The following FOSL2 variants were observed in gnomAD, a reference collection of about 807,000 sequenced individuals.
FOSL2 encodes fos-related antigen 2.
FOSL2 carries 3 observed loss-of-function variants against 27.7 expected under a neutral mutation model. The ratio of observed to expected loss-of-function variants is 0.11; its 90% CI spans 0.05 to 0.28. FOSL2 has a LOEUF of 0.28. Among genes scored for constraint, FOSL2 ranks in the 10% least tolerant of loss-of-function variants. FOSL2 has a pLI of 1.00. For synonymous variants in FOSL2, 179 were observed against 190.1 expected (o/e 0.94, Z 0.48); for missense variants, 333 against 445.1 (o/e 0.75, Z 2.27).
At chr2:28,398,483 G>T (rs570464441) in intron 1 of FOSL2, among the ~76,000 whole-genome samples, 1 of 152,366 alleles carries the variant, frequency 6.6e-6, no homozygotes, top group South Asian at 2.1e-4. Flanking sequence ...GGCTCCAAAG[G>T]GGCCCACACA....
intron 2 of FOSL2, among the ~76,000 whole-genome samples, chr2:28,406,450 C>T (rs1429914648): frequency 3.3e-5 from 5 of 152,184 alleles, no homozygotes; most frequent in Non-Finnish European, 7.3e-5. Flanking sequence ...TTCTCATTTT[C>T]CCTTTATACC....
In FOSL2 at chr2:28,413,086, G is replaced by A. The variant is rs1398305088; in HGVS notation, c.*638G>A. The A allele has an allele frequency of 1.2e-5, 2 of 168,332 alleles. No individual in the cohort carries two copies. The highest frequency in any genetic ancestry group is 1.7e-4 in the East Asian group (1 of 6,022). The allele number at this position is 168,332 out of a possible 1,614,324, so 10.4% of individuals were successfully genotyped here. ...CCAGTCATCATCTCCAGAACTCCCA[G>A]CGGGGCTCCCTGAGCTCTCAAGGAG... On this transcript the variant is annotated 3_prime_UTR_variant, in exon 4 of 4. Coordinates refer to ENST00000264716, the MANE Select transcript of FOSL2 (RefSeq NM_005253.4).
Position 28,414,160 on chromosome 2 carries a change from G to C in FOSL2, c.*1712G>C, listed in dbSNP as rs550680485. The C allele has an allele frequency of 1.8e-4, 46 of 261,514 alleles. No individual in the cohort carries two copies. The East Asian group carries it at 2.5e-3, about 14-fold the overall frequency. 16.2% of individuals were successfully genotyped at this position (261,514 alleles called of 1,614,324 possible). ...CAGCTCTAGAGGTCACAGTATCCTC[G>C]TTTGAAAGATAATTAAGATCCCCCG... is the stretch of plus-strand genomic sequence containing the variant. On this transcript the variant is annotated 3_prime_UTR_variant, in exon 4 of 4. Transcript: ENST00000264716.
rs149119794 is a variant in FOSL2 at position 28,413,165 on chromosome 2, G to A, written c.*717G>A. 20 of 232,866 alleles carry A rather than the reference G, an allele frequency of 8.6e-5. No homozygotes were observed. The highest frequency in any genetic ancestry group is 7.2e-4 in the South Asian group (4 of 5,562). The allele number at this position is 232,866 out of a possible 1,614,324, so 14.4% of individuals were successfully genotyped here. The stretch of plus-strand genomic sequence containing the variant: ...ACCCTTCCTGCCCACCTTCGGAGAC[G>A]GCTTCTGGAGGAACGGCTTGGCCAG... On this transcript the variant is annotated 3_prime_UTR_variant, in exon 4 of 4. Coordinates refer to ENST00000264716, the MANE Select transcript of FOSL2 (RefSeq NM_005253.4).
intron 3 of FOSL2, among the ~76,000 whole-genome samples, chr2:28,409,947 G>C (rs1047995420): frequency 1.3e-5 from 2 of 152,136 alleles, no homozygotes; most frequent in Non-Finnish European, 2.9e-5. Context: ...CACCATGTTG[G>C]CTAGGCTGGT....
intron 1 of FOSL2, among the ~76,000 whole-genome samples, chr2:28,398,426 A>G (rs563530328): frequency 6.6e-6 from 1 of 152,330 alleles, no homozygotes; most frequent in South Asian, 2.1e-4. Context: ...GGAGGATGAG[A>G]GGACGTGTCA....
chr2:28,408,761 G>A lies in FOSL2; in HGVS notation c.357G>A (p.Leu119=), dbSNP rs773217180. ...TVGRRRRDEQ[L]SPEEEEKRRI... is the part of the protein sequence containing the mutation. ...TGATCCTTGGCTTTGGCCTCTAGCTGTCTCCTGAAGAGGAGGAGAAGCGTC... is the reference window on the plus strand; with the variant it reads ...TGATCCTTGGCTTTGGCCTCTAGCTATCTCCTGAAGAGGAGGAGAAGCGTC... The change falls in exon 3 of 4, where the codon CTG becomes CTA. Residue 119 remains leucine (L), a splice_region_variant and synonymous_variant. Coordinates refer to ENST00000264716, the MANE Select transcript of FOSL2 (RefSeq NM_005253.4). The surrounding 1 kb of genome is among the most constrained non-coding windows in gnomAD (Gnocchi z 4.1). 19 of 1,605,912 alleles carry A rather than the reference G, an allele frequency of 1.2e-5. No individual in the cohort carries two copies. The South Asian group carries it at 2.1e-4, about 18-fold the overall frequency.
intron 2 of FOSL2, among the ~76,000 whole-genome samples, chr2:28,406,914 G>A (rs1230732535): frequency 2.0e-5 from 3 of 152,232 alleles, no homozygotes; most frequent in African/African-American, 7.2e-5. Context: ...CGGCGACTCT[G>A]AGGAGGTGGG....
At chr2:28,395,139 A>G (rs1311083097) in intron 1 of FOSL2, among the ~76,000 whole-genome samples, 4 of 152,158 alleles carry the variant, frequency 2.6e-5, no homozygotes, top group Admixed American at 6.5e-5. Flanking sequence ...GGTGCAGTCA[A>G]TGCACCCTTC....
At chr2:28,411,381 T>C (rs1572496304) in intron 3 of FOSL2, among the ~76,000 whole-genome samples, 2 of 151,880 alleles carry the variant, frequency 1.3e-5, no homozygotes, top group African/African-American at 2.4e-5. Flanking sequence ...GAGAGGTGGG[T>C]AGAGCTGTGT....
chr2:28,404,212 A>G lies in FOSL2; in HGVS notation c.208A>G (p.Thr70Ala). The G allele has an allele frequency of 6.2e-7, 1 of 1,613,976 alleles. No homozygotes were observed. The highest frequency in any genetic ancestry group is 8.5e-7 in the Non-Finnish European group (1 of 1,179,982). Residue 70 changes from threonine to alanine, a missense_variant, in exon 2 of 4, where the codon ACC becomes GCC. Coordinates refer to ENST00000264716, the MANE Select transcript of FOSL2 (RefSeq NM_005253.4). This position sits in a 1 kb window ranked among gnomAD's most constrained non-coding sequence, Gnocchi z 4.7. Reference protein sequence around the residue: ...LQWMVQPTVITSMSNPYPRSH... With the variant: ...LQWMVQPTVIASMSNPYPRSH... ...GTGGATGGTGCAGCCCACAGTGATC[A>G]CCTCCATGTCCAACCCATACCCTCG...
rs72195155 is a variant in FOSL2, at chr2:28,392,945, G to GGAGAGAGA, written c.-762_-755dup. The GGAGAGAGA allele has an allele frequency of 1.7e-6, 1 of 589,346 alleles. No homozygotes were observed. The highest frequency in any genetic ancestry group is 1.9e-5 in the African/African-American group (1 of 52,982). The allele number at this position is 589,346 out of a possible 1,614,324, so 36.5% of individuals were successfully genotyped here. On this transcript the variant is annotated 5_prime_UTR_variant, in exon 1 of 4. Coordinates refer to ENST00000264716, the MANE Select transcript of FOSL2 (RefSeq NM_005253.4). ...CGGCGCTCGGCGGGGACAGAAAGAGGGAGAGAGAGAGAGAGAGAGAGGGAG... is the reference window on the plus strand; with the variant it reads ...CGGCGCTCGGCGGGGACAGAAAGAGGGAGAGAGAGAGAGAGAGAGAGAGAGAGAGGGAG...
In FOSL2 at chr2:28,412,664, T is replaced by C; in HGVS notation, c.*216T>C. 1 of 551,602 alleles carries C rather than the reference T, an allele frequency of 1.8e-6. No homozygotes were observed. 34.2% of individuals were successfully genotyped at this position (551,602 alleles called of 1,614,324 possible). A position where few individuals can be genotyped will look rare whatever the true frequency, so the allele number is the denominator to read the frequency against. ...GCCATGGGACCTCCTCCCTCATTCA[T>C]CTTGCAAGCAAATCCCATTTCTTGA... On this transcript the variant is annotated 3_prime_UTR_variant, in exon 4 of 4. Coordinates refer to ENST00000264716, the MANE Select transcript of FOSL2 (RefSeq NM_005253.4). The surrounding 1 kb of genome is among the most constrained non-coding windows in gnomAD (Gnocchi z 7.1).
At chr2:28,397,738 T>C (rs1663883831) in intron 1 of FOSL2, among the ~76,000 whole-genome samples, 1 of 152,222 alleles carries the variant, frequency 6.6e-6, no homozygotes, top group African/African-American at 2.4e-5. Flanking sequence ...GTTTTTTCCT[T>C]GGGGAGACTA....
At position 28,408,669 on chromosome 2, in the gene FOSL2, G is replaced by A. The variant is rs562936279; in HGVS notation, c.355-90G>A. ...CTTCTCCTTTCTCCATTTCCAGAAGGGCTTCTTGCCTTACTTAAAATACAG... is the reference window on the plus strand; with the variant it reads ...CTTCTCCTTTCTCCATTTCCAGAAGAGCTTCTTGCCTTACTTAAAATACAG... On this transcript the variant is annotated intron_variant, in intron 2 of 3. Transcript: ENST00000264716. The surrounding 1 kb of genome is among the most constrained non-coding windows in gnomAD (Gnocchi z 4.1). 8 of 875,634 alleles carry A rather than the reference G, an allele frequency of 9.1e-6. No homozygotes were observed. The Admixed American group carries it at 2.3e-4, about 25-fold the overall frequency. 54.2% of individuals were successfully genotyped at this position (875,634 alleles called of 1,614,324 possible). A position where few individuals can be genotyped will look rare whatever the true frequency, so the allele number is the denominator to read the frequency against.
intron 3 of FOSL2, among the ~76,000 whole-genome samples, chr2:28,409,355 C>T (rs1259928482): frequency 6.6e-6 from 1 of 152,200 alleles, no homozygotes; most frequent in Admixed American, 6.5e-5. Context: ...GGTCACGTGG[C>T]AGCAGGGTTG....
rs1664280290 is a variant in FOSL2, at chr2:28,414,822, A to G, written c.*2374A>G. ...TTGGTGTTGGGACCAGCAGAAGGCA[A>G]ACGTCCAGCCAACACACAGGACTGT... On this transcript the variant is annotated 3_prime_UTR_variant, in exon 4 of 4. Coordinates refer to ENST00000264716, the MANE Select transcript of FOSL2 (RefSeq NM_005253.4). 1 of 152,148 alleles carries G rather than the reference A, an allele frequency of 6.6e-6. No individual in the cohort carries two copies. The highest frequency in any genetic ancestry group is 2.4e-5 in the African/African-American group (1 of 41,432). 9.4% of individuals were successfully genotyped at this position (152,148 alleles called of 1,614,324 possible). A position where few individuals can be genotyped will look rare whatever the true frequency, so the allele number is the denominator to read the frequency against.
intron 1 of FOSL2, among the ~76,000 whole-genome samples, chr2:28,397,966 G>A (rs1663889941): frequency 6.6e-6 from 1 of 152,208 alleles, no homozygotes; most frequent in African/African-American, 2.4e-5. Flanking sequence ...CCAAAGTAGG[G>A]TGTGACCCTG....
At position 28,413,835 on chromosome 2, in the gene FOSL2, C is replaced by T. The variant is rs949703210; in HGVS notation, c.*1387C>T. The T allele has an allele frequency of 1.3e-5, 5 of 398,908 alleles. No homozygotes were observed. Among genetic ancestry groups the T allele is most frequent in the African/African-American group, 1.0e-4 (5 of 48,786 alleles). 24.7% of individuals were successfully genotyped at this position (398,908 alleles called of 1,614,324 possible). On this transcript the variant is annotated 3_prime_UTR_variant, in exon 4 of 4. Coordinates refer to ENST00000264716, the MANE Select transcript of FOSL2 (RefSeq NM_005253.4). Reference sequence around the variant, plus strand: ...TCGCTGTGGCTTGTGGCTCATGCGCCATTCCTGGTTGTCTGTTGAATCTTT... The same window carrying T: ...TCGCTGTGGCTTGTGGCTCATGCGCTATTCCTGGTTGTCTGTTGAATCTTT...
Sources: allele counts gnomAD v4.1 joint callset (sites outside exome capture counted in the v4.1 genomes callset), GRCh38; gene constraint gnomAD v4.1.1; non-coding constraint Gnocchi (gnomAD v3.1); transcripts MANE v1.5; gene names NCBI Gene and HGNC (gene_info 2026-07-23, HGNC 2026-07-21).